Variants in PTPRQ observed in about 807,000 individuals in gnomAD.
PTPRQ encodes protein tyrosine phosphatase receptor type Q, also known as phosphatidylinositol phosphatase PTPRQ.
Under a neutral mutation model 246.0 loss-of-function variants are expected in PTPRQ, and 199 were observed. That is an observed-to-expected ratio of 0.81 (90% CI 0.72 to 0.91). The LOEUF (loss-of-function observed/expected upper bound fraction) is 0.91. Ranked by LOEUF, PTPRQ falls within the 40% of genes least tolerant of loss-of-function variation. The probability of loss-of-function intolerance (pLI) is 0.00; values close to 1 mark genes in which losing one functional copy is unlikely to be tolerated. For synonymous variants in PTPRQ, 869 were observed against 853.2 expected, an observed-to-expected ratio of 1.02 and a Z score of -0.32; for missense variants, 2,624 against 2,528.4, an observed-to-expected ratio of 1.04 and a Z score of -0.81.
chr12:80,463,126 G>T, intron 6 of PTPRQ, among the ~76,000 whole-genome samples: 1 of 152,150 alleles, frequency 6.6e-6, no homozygotes, highest in Non-Finnish European at 1.5e-5. Context: ...TGAAAAAAAT[G>T]TAGATGAATG....
In PTPRQ at chr12:80,541,768, T is replaced by TA. The variant is rs1896161508; in HGVS notation, c.3373dup (p.Ile1125AsnfsTer11). 2 of 1,551,052 alleles carry TA rather than the reference T, an allele frequency of 1.3e-6. No individual in the cohort carries two copies. Among genetic ancestry groups the TA allele is most frequent in the Non-Finnish European group, 1.7e-6 (2 of 1,146,566 alleles). On this transcript the variant is annotated frameshift_variant, in exon 21 of 45. Transcript: ENST00000644991. LOFTEE classifies it high-confidence loss of function. The stretch of plus-strand genomic sequence containing the variant: ...CTGGAAAAATACACTGATTATATAT[T>TA]AAAAATTACTCCATCAACAGAAAAG...
At chr12:80,491,729 T>A (rs1015883463) in intron 9 of PTPRQ, among the ~76,000 whole-genome samples, 2 of 151,964 alleles carry the variant, frequency 1.3e-5, no homozygotes, top group African/African-American at 2.4e-5. Flanking sequence ...TTAACTGAAA[T>A]GCCATAAAAT....
chr12:80,506,808 A>G (rs1279138947), intron 16 of PTPRQ, 138 bp downstream of exon 16: 2 of 586,534 alleles, frequency 3.4e-6, no homozygotes, highest in Non-Finnish European at 5.4e-6. Flanking sequence ...CAGAGATTTC[A>G]TTGTCATGGT....
chr12:80,506,214 A>G lies in PTPRQ; in HGVS notation c.2455+8A>G. ...TAACCCAAAACATTAAAGGTAAAAG[A>G]ACAAATCTAATATTGGATATTTGCA... is the stretch of plus-strand genomic sequence containing the variant. On this transcript the variant is annotated splice_region_variant and intron_variant, in intron 15 of 44. Coordinates refer to ENST00000644991, the MANE Select transcript of PTPRQ (RefSeq NM_001145026.2). The G allele has an allele frequency of 6.8e-7, 1 of 1,463,244 alleles. No individual in the cohort carries two copies. Among genetic ancestry groups the G allele is most frequent in the Non-Finnish European group, 9.0e-7 (1 of 1,104,976 alleles). The allele number at this position is 1,463,244 out of a possible 1,614,324, so 90.6% of individuals were successfully genotyped here.
intron 6 of PTPRQ, chr12:80,462,322 G>A (rs907546120): frequency 8.6e-5 from 16 of 186,900 alleles, no homozygotes; most frequent in South Asian, 7.3e-4. Flanking sequence ...AGGGGCACCC[G>A]CCATTGCCCA....
intron 25 of PTPRQ, among the ~76,000 whole-genome samples, chr12:80,555,350 A>G (rs531074939): frequency 6.6e-6 from 1 of 152,230 alleles, no homozygotes; most frequent in South Asian, 2.1e-4. Context: ...TGAGCCACAC[A>G]CCCAATCTAG....
At chr12:80,600,847 G>A (rs1008664280) in intron 26 of PTPRQ, among the ~76,000 whole-genome samples, 2 of 151,700 alleles carry the variant, frequency 1.3e-5, no homozygotes, top group East Asian at 1.9e-4. Context: ...AGACATTAAC[G>A]CTGGTCTTAA....
chr12:80,575,827 G>C (rs1242598235), intron 25 of PTPRQ, among the ~76,000 whole-genome samples: 1 of 94,472 alleles, frequency 1.1e-5, no homozygotes, highest in Non-Finnish European at 2.1e-5. Flanking sequence ...CAACAAGAGC[G>C]AAACCCCATC....
At chr12:80,574,629 CTT>C (rs1171681010) in intron 25 of PTPRQ, among the ~76,000 whole-genome samples, 25 of 152,154 alleles carry the variant, frequency 1.6e-4, no homozygotes, top group African/African-American at 5.8e-4. Context: ...GAATACTTGA[CTT>C]ATATCTACTT....
At chr12:80,632,356 C>A (rs1899472196) in intron 34 of PTPRQ, 65 bp downstream of exon 34, 2 of 1,534,954 alleles carry the variant, frequency 1.3e-6, no homozygotes, top group East Asian at 2.5e-5. Context: ...ATAGTCCAAT[C>A]AGGAGACAGA....
intron 25 of PTPRQ, among the ~76,000 whole-genome samples, chr12:80,551,003 C>A (rs1460218130): frequency 6.6e-6 from 1 of 152,074 alleles, no homozygotes; most frequent in Admixed American, 6.6e-5. Flanking sequence ...GAAGTCCTTG[C>A]CTTCCTCTTT....
At chr12:80,596,700 G>T (rs1187517385) in intron 26 of PTPRQ, among the ~76,000 whole-genome samples, 1 of 151,894 alleles carries the variant, frequency 6.6e-6, no homozygotes, top group Non-Finnish European at 1.5e-5. Context: ...TTCTAGCTCA[G>T]CATTAGGCCC....
intron 26 of PTPRQ, among the ~76,000 whole-genome samples, chr12:80,591,921 A>C (rs1367036492): frequency 1.3e-5 from 2 of 152,212 alleles, no homozygotes; most frequent in African/African-American, 2.4e-5. Context: ...TTGCAAGCAC[A>C]CTTGACACTA....
At chr12:80,550,942 A>G (rs1896457360) in intron 25 of PTPRQ, among the ~76,000 whole-genome samples, 1 of 152,006 alleles carries the variant, frequency 6.6e-6, no homozygotes, top group Non-Finnish European at 1.5e-5. Flanking sequence ...CCCTCCTTCC[A>G]TCAAAATTTA....
intron 25 of PTPRQ, among the ~76,000 whole-genome samples, chr12:80,573,360 G>GCGC (rs1271513470): frequency 1.3e-5 from 2 of 152,008 alleles, no homozygotes; most frequent in Non-Finnish European, 2.9e-5. Context: ...ATGGTGGCGG[G>GCGC]CGCCTGTGGT....
At chr12:80,515,428 T>C (rs912581001) in intron 17 of PTPRQ, among the ~76,000 whole-genome samples, 1 of 150,828 alleles carries the variant, frequency 6.6e-6, no homozygotes, top group Non-Finnish European at 1.5e-5. Flanking sequence ...ATATTTCCTT[T>C]TTTTTTTTTT....
At chr12:80,508,793 T>C (rs1895041588) in intron 16 of PTPRQ, among the ~76,000 whole-genome samples, 1 of 152,082 alleles carries the variant, frequency 6.6e-6, no homozygotes, top group Admixed American at 6.6e-5. Flanking sequence ...TACTTAGCAA[T>C]AAAATGTTTT....
chr12:80,466,639 G>A (rs1269422554), intron 6 of PTPRQ, among the ~76,000 whole-genome samples: 3 of 152,134 alleles, frequency 2.0e-5, no homozygotes, highest in East Asian at 3.9e-4. Flanking sequence ...AAACAGAATG[G>A]TACTGGTACC....
At chr12:80,571,664 T>C (rs1351957308) in intron 25 of PTPRQ, among the ~76,000 whole-genome samples, 4 of 152,176 alleles carry the variant, frequency 2.6e-5, no homozygotes, top group African/African-American at 9.6e-5. Context: ...AACTTATACA[T>C]TTATATTTTT....
Sources: allele counts gnomAD v4.1 joint callset (sites outside exome capture counted in the v4.1 genomes callset), GRCh38; gene constraint gnomAD v4.1.1; transcripts MANE v1.5; gene names NCBI Gene and HGNC (gene_info 2026-07-23, HGNC 2026-07-21).